Variants in GPRASP3 observed in about 807,000 individuals in gnomAD.
GPRASP3 encodes the protein G protein-coupled receptor associated sorting protein family member 3, also known as G protein-coupled receptor associated sorting protein 3.
At chrX:102,730,959 C>T in the GPRASP3 span, among the ~76,000 whole-genome samples, 1 of 112,024 alleles carries the variant, frequency 8.9e-6, no homozygotes, top group South Asian at 3.7e-4. Flanking sequence ...AAAAAAAGAA[C>T]TGAACATTGA....
the GPRASP3 span, among the ~76,000 whole-genome samples, chrX:102,748,136 A>G: frequency 2.7e-5 from 3 of 111,915 alleles, no homozygotes; most frequent in African/African-American, 9.8e-5. Flanking sequence ...AAGGAGTACT[A>G]GGAGGCCAGA....
At chrX:102,751,836 T>G in the GPRASP3 span, 1 of 123,191 alleles carries the variant, frequency 8.1e-6, no homozygotes, top group Non-Finnish European at 1.9e-5. Flanking sequence ...TTAGATGTCC[T>G]TTGTATCTTT....
the GPRASP3 span, chrX:102,750,124 C>T: frequency 6.6e-6 from 8 of 1,211,051 alleles, no homozygotes; most frequent in Non-Finnish European, 8.9e-6. Context: ...GCTCAGTTTT[C>T]CTTCCCCTGA....
the GPRASP3 span, among the ~76,000 whole-genome samples, chrX:102,739,448 G>A: frequency 9.0e-6 from 1 of 111,102 alleles, no homozygotes; most frequent in Non-Finnish European, 1.9e-5. Context: ...GAAGCAAGAG[G>A]AATACTCATG....
At chrX:102,733,726 G>A in the GPRASP3 span, among the ~76,000 whole-genome samples, 1 of 108,375 alleles carries the variant, frequency 9.2e-6, no homozygotes, top group African/African-American at 3.4e-5. Flanking sequence ...TGATATTCAT[G>A]AACATTTCAG....
At chrX:102,743,361 A>G in the GPRASP3 span, among the ~76,000 whole-genome samples, 1 of 111,351 alleles carries the variant, frequency 9.0e-6, no homozygotes, top group African/African-American at 3.3e-5. Context: ...AACCATATGT[A>G]TTATTGTACA....
the GPRASP3 span, among the ~76,000 whole-genome samples, chrX:102,746,545 G>T: frequency 8.9e-6 from 1 of 112,576 alleles, no homozygotes; most frequent in Non-Finnish European, 1.9e-5. Flanking sequence ...GGGGGCTCCC[G>T]GGAAGGCCGG....
chrX:102,728,024 C>T, the GPRASP3 span, among the ~76,000 whole-genome samples: 1 of 111,261 alleles, frequency 9.0e-6, no homozygotes. Flanking sequence ...TCCCAGGGCT[C>T]AGAAACTAGT....
the GPRASP3 span, among the ~76,000 whole-genome samples, chrX:102,731,899 C>T: frequency 8.0e-5 from 9 of 111,824 alleles, no homozygotes; most frequent in African/African-American, 2.9e-4. Flanking sequence ...GGAGTGCCCC[C>T]AGAAGGTCAT....
At chrX:102,751,617 A>G in the GPRASP3 span, 4 of 123,128 alleles carry the variant, frequency 3.2e-5, no homozygotes, top group African/African-American at 6.5e-5. Context: ...TAATTTTGCA[A>G]TGGATCATGT....
At chrX:102,753,173 C>G in the GPRASP3 span, 1 of 122,791 alleles carries the variant, frequency 8.1e-6, no homozygotes. Context: ...CATTTTCTGA[C>G]AAAATAGAAT....
the GPRASP3 span, among the ~76,000 whole-genome samples, chrX:102,736,253 C>T: frequency 3.6e-5 from 4 of 111,773 alleles, no homozygotes; most frequent in Non-Finnish European, 7.5e-5. Context: ...CTTTATTTCC[C>T]AAAGATTATT....
At chrX:102,737,855 C>G in the GPRASP3 span, among the ~76,000 whole-genome samples, 2 of 111,616 alleles carry the variant, frequency 1.8e-5, no homozygotes, top group East Asian at 5.6e-4. Context: ...TAGATTTTTG[C>G]TAGGGCTTGT....
chrX:102,739,751 G>A, the GPRASP3 span, among the ~76,000 whole-genome samples: 12 of 111,782 alleles, frequency 1.1e-4, no homozygotes, highest in African/African-American at 3.6e-4. Flanking sequence ...GGCAGCACTG[G>A]AGTTCCAATT....
the GPRASP3 span, among the ~76,000 whole-genome samples, chrX:102,724,993 T>C: frequency 9.0e-6 from 1 of 111,347 alleles, no homozygotes; most frequent in Admixed American, 9.6e-5. Context: ...TTCATCTGTC[T>C]AGTCTGGACT....
chrX:102,749,722 C>A, the GPRASP3 span: 1 of 1,208,233 alleles, frequency 8.3e-7, no homozygotes, highest in Non-Finnish European at 1.1e-6. Flanking sequence ...TGAGGCAAGC[C>A]CTCCTTCATA....
the GPRASP3 span, among the ~76,000 whole-genome samples, chrX:102,733,650 TA>T: frequency 9.8e-4 from 100 of 101,868 alleles, no homozygotes; most frequent in Middle Eastern, 5.2e-3. Flanking sequence ...AGCAAAATGT[TA>T]AAAAAAAAAA....
At chrX:102,735,319 T>C in the GPRASP3 span, among the ~76,000 whole-genome samples, 1 of 112,193 alleles carries the variant, frequency 8.9e-6, no homozygotes. Context: ...AAAACTCTGT[T>C]GTGCTTTTAT....
At chrX:102,723,935 G>A in the GPRASP3 span, among the ~76,000 whole-genome samples, 1 of 111,955 alleles carries the variant, frequency 8.9e-6, no homozygotes, top group Non-Finnish European at 1.9e-5. Flanking sequence ...TTGTTCTCTA[G>A]GGAGAGTGGT....
Sources: gnomAD v4.1 joint callset for allele counts (sites outside exome capture counted in the v4.1 genomes callset) on GRCh38, gnomAD v4.1.1 for gene constraint, MANE v1.5 for transcripts, NCBI Gene and HGNC (gene_info 2026-07-23, HGNC 2026-07-21) for gene names.